Variants in GADL1 observed in about 807,000 individuals in gnomAD.
GADL1 encodes the protein GAD like acidic amino acid decarboxylase 1, also known as acidic amino acid decarboxylase GADL1.
Under a neutral mutation model 69.5 loss-of-function variants are expected in GADL1, and 71 were observed. The observed-to-expected ratio is 1.02, with a 90% confidence interval of 0.84 to 1.25. The LOEUF is 1.25. GADL1 is among the 50% of genes most tolerant of loss of function. GADL1 has a pLI of 0.00. For missense variants in GADL1, 737 were observed against 631.8 expected, an observed-to-expected ratio of 1.17 and a Z score of -1.79; for synonymous variants, 254 against 214.4, an observed-to-expected ratio of 1.18 and a Z score of -1.62.
At chr3:30,834,091 T>C (rs910217151) in intron 10 of GADL1, 126 bp downstream of exon 10, 17 of 993,172 alleles carry the variant, frequency 1.7e-5, no homozygotes, top group East Asian at 9.6e-5. Flanking sequence ...TTTGGAGGGA[T>C]TTTTTGTTGT....
In GADL1 at chr3:30,762,731, A is replaced by G. The variant is rs558562142; in HGVS notation, c.1392+15448T>C. 2.0e-5 allele frequency among the ~76,000 whole-genome samples: 3 copies of G among 152,202 alleles called. No homozygotes were observed. The East Asian group carries it at 5.8e-4, about 29-fold the overall frequency. On this transcript the variant is annotated intron_variant, in intron 14 of 14. Transcript: ENST00000282538. ...TCTTTTTATTTTGGATCCATTAACC[A>G]TGCCCACCTCCCAGACCCCCACTAT...
chr3:30,892,342 C>T (rs1361266416), intron 1 of GADL1, among the ~76,000 whole-genome samples: 1 of 152,190 alleles, frequency 6.6e-6, no homozygotes, highest in East Asian at 1.9e-4. Context: ...ATGTTACCTT[C>T]AGGATCTCAT....
intron 1 of GADL1, among the ~76,000 whole-genome samples, chr3:30,885,688 T>G (rs1219377576): frequency 1.3e-5 from 2 of 151,764 alleles, no homozygotes; most frequent in African/African-American, 4.9e-5. Flanking sequence ...CTATATAAAC[T>G]ATCTTTCAAA....
intron 12 of GADL1, among the ~76,000 whole-genome samples, chr3:30,792,323 A>C (rs1696941627): frequency 6.6e-6 from 1 of 152,188 alleles, no homozygotes. Flanking sequence ...CTATAATCCT[A>C]GCACTGTGGG....
intron 2 of GADL1, among the ~76,000 whole-genome samples, chr3:30,860,406 A>T (rs1228338768): frequency 1.3e-5 from 2 of 151,838 alleles, no homozygotes; most frequent in Admixed American, 1.3e-4. Context: ...AAAGGCCAAT[A>T]AAAAAAACTG....
At position 30,860,105 on chromosome 3, in the gene GADL1, T is replaced by A. The variant is rs182249796; in HGVS notation, c.210+1488A>T. On this transcript the variant is annotated intron_variant, in intron 2 of 14. Coordinates refer to ENST00000282538, the MANE Select transcript of GADL1 (RefSeq NM_207359.3). ...AGTACCCTAACGCCAAACTTTCTCT[T>A]CCCCTGCCACTGCCCCCCAAAATTC... Among the ~76,000 whole-genome samples the A allele has an allele frequency of 1.9e-3, 292 of 151,938 alleles. 2 individuals are homozygous for A. Among genetic ancestry groups the A allele is most frequent in the African/African-American group, 6.7e-3 (278 of 41,484 alleles).
intron 14 of GADL1, among the ~76,000 whole-genome samples, chr3:30,760,807 G>A (rs1242359714): frequency 6.7e-6 from 1 of 150,186 alleles, no homozygotes; most frequent in Non-Finnish European, 1.5e-5. Flanking sequence ...TTCTTCAGGT[G>A]GGGGCAGGGT....
chr3:30,840,976 TTG>T lies in GADL1; in HGVS notation c.787-1865_787-1864del, dbSNP rs1559357976. The stretch of plus-strand genomic sequence containing the variant: ...TAAGCCCTTTAGGACCTCTGATGCT[TTG>T]TGTTTTTCACCATCTATGTAATGAC... On this transcript the variant is annotated intron_variant, in intron 8 of 14. Transcript: ENST00000282538. 3.3e-5 allele frequency among the ~76,000 whole-genome samples: 5 copies of T among 152,332 alleles called. No individual in the cohort carries two copies. In the South Asian group the frequency reaches 8.3e-4, roughly 25 times the overall value.
chr3:30,764,469 A>G (rs1696221494), intron 14 of GADL1, among the ~76,000 whole-genome samples: 2 of 152,300 alleles, frequency 1.3e-5, no homozygotes, highest in South Asian at 2.1e-4. Flanking sequence ...TCCTGTAAAA[A>G]TGGAAGTAGA....
chr3:30,836,833 C>T lies in GADL1; in HGVS notation c.903+2164G>A, dbSNP rs796973352. Among the ~76,000 whole-genome samples, 48 of 152,190 alleles carry T rather than the reference C, an allele frequency of 3.2e-4. 1 individual carries two copies. The highest frequency in any genetic ancestry group is 1.1e-3 in the African/African-American group (46 of 41,546). On this transcript the variant is annotated intron_variant, in intron 9 of 14. Transcript: ENST00000282538. ...CTAGACCAGCCCGACGTTTTGTTCT[C>T]AGACAGAAACTAGCATAACAATTGC...
rs536395463 is a variant in GADL1, at chr3:30,728,170, G to A, written c.*72C>T. ...CATCAGAAGGGCTGCAATCTACTGT[G>A]TATCTCCAAGATGTTCTGGATCTAA... On this transcript the variant is annotated 3_prime_UTR_variant, in exon 15 of 15. Transcript: ENST00000282538. 5.3e-4 allele frequency: 709 copies of A among 1,345,580 alleles called. 7 individuals are homozygous for A. In the South Asian group the frequency reaches 5.8e-3, roughly 11 times the overall value. 83.4% of individuals were successfully genotyped at this position (1,345,580 alleles called of 1,614,324 possible).
At chr3:30,887,563 C>T (rs938239097) in intron 1 of GADL1, among the ~76,000 whole-genome samples, 1 of 152,078 alleles carries the variant, frequency 6.6e-6, no homozygotes, top group Non-Finnish European at 1.5e-5. Context: ...ACCCACTTGA[C>T]CTTGGACTTC....
At chr3:30,766,076 T>C (rs1696268610) in intron 14 of GADL1, among the ~76,000 whole-genome samples, 1 of 152,056 alleles carries the variant, frequency 6.6e-6, no homozygotes, top group African/African-American at 2.4e-5. Flanking sequence ...AAATTGACTG[T>C]ATTGGTTAAA....
At chr3:30,844,698 G>C (rs1039831181) in intron 6 of GADL1, among the ~76,000 whole-genome samples, 15 of 152,072 alleles carry the variant, frequency 9.9e-5, no homozygotes, top group South Asian at 8.3e-4. Context: ...ATGGAATCTT[G>C]AACAAATAAT....
At chr3:30,768,513 A>C (rs905332133) in intron 14 of GADL1, among the ~76,000 whole-genome samples, 1 of 148,342 alleles carries the variant, frequency 6.7e-6, no homozygotes, top group Non-Finnish European at 1.5e-5. Flanking sequence ...ACAAGATATT[A>C]GAGGAAATAA....
intron 9 of GADL1, among the ~76,000 whole-genome samples, chr3:30,838,649 G>A (rs766669929): frequency 3.9e-5 from 6 of 152,128 alleles, no homozygotes; most frequent in Non-Finnish European, 7.4e-5. Flanking sequence ...AGATCGCAAT[G>A]AAGAAGAGGC....
intron 12 of GADL1, among the ~76,000 whole-genome samples, chr3:30,796,347 T>C (rs1374349803): frequency 6.6e-6 from 1 of 152,122 alleles, no homozygotes; most frequent in African/African-American, 2.4e-5. Context: ...TCCCCACTTC[T>C]AATAGAAGCA....
At chr3:30,865,538 C>A (rs531954983) in intron 1 of GADL1, among the ~76,000 whole-genome samples, 2 of 152,032 alleles carry the variant, frequency 1.3e-5, no homozygotes, top group Admixed American at 1.3e-4. Context: ...GTATGCCTTT[C>A]TGAACTGATA....
chr3:30,751,029 G>A (rs1027529584), intron 14 of GADL1, among the ~76,000 whole-genome samples: 2 of 149,976 alleles, frequency 1.3e-5, no homozygotes, highest in East Asian at 1.9e-4. Flanking sequence ...TAGGGTAACC[G>A]GGGTTAAGGC....
Sources: gnomAD v4.1 joint callset for allele counts (sites outside exome capture counted in the v4.1 genomes callset) on GRCh38, gnomAD v4.1.1 for gene constraint, MANE v1.5 for transcripts, NCBI Gene and HGNC (gene_info 2026-07-23, HGNC 2026-07-21) for gene names.